The following NXN variants were observed in gnomAD, a reference collection of about 807,000 sequenced individuals.
The protein encoded by NXN is nucleoredoxin 1.
In NXN, 16 loss-of-function variants were observed where a neutral mutation model predicts 48.6. That is an observed-to-expected ratio of 0.33 (90% CI 0.22 to 0.50). The LOEUF (loss-of-function observed/expected upper bound fraction) is 0.50. Among genes scored for constraint, NXN ranks in the 20% least tolerant of loss-of-function variants. NXN has a pLI of 0.98. For synonymous variants in NXN, 281 were observed against 269.6 expected (o/e 1.04, Z -0.41); for missense variants, 492 against 605.5 (o/e 0.81, Z 1.97).
chr17:914,462 G>A (rs1211960373), intron 1 of NXN, among the ~76,000 whole-genome samples: 4 of 152,132 alleles, frequency 2.6e-5, no homozygotes, highest in Admixed American at 6.6e-5. Context: ...AAGCTACCAC[G>A]CCCGGCCAGA....
chr17:892,688 G>A (rs772198113), intron 1 of NXN, among the ~76,000 whole-genome samples: 1 of 152,174 alleles, frequency 6.6e-6, no homozygotes, highest in Admixed American at 6.5e-5. Flanking sequence ...AATGTTCATC[G>A]CTGTCCCAGG....
chr17:851,950 T>C (rs1394338599), intron 1 of NXN, among the ~76,000 whole-genome samples: 1 of 152,188 alleles, frequency 6.6e-6, no homozygotes, highest in East Asian at 1.9e-4. Context: ...CGAGACTTTC[T>C]CCTGATCTAA....
chr17:885,890 G>A (rs1282104251), intron 1 of NXN, among the ~76,000 whole-genome samples: 2 of 151,088 alleles, frequency 1.3e-5, no homozygotes, highest in Non-Finnish European at 2.9e-5. Flanking sequence ...GGGTTTCACC[G>A]TGTCAGCCAG....
In NXN at chr17:800,927, G is replaced by T; in HGVS notation, c.*22C>A. On this transcript the variant is annotated 3_prime_UTR_variant, in exon 8 of 8. Coordinates refer to ENST00000336868, the MANE Select transcript of NXN (RefSeq NM_022463.5). The stretch of plus-strand genomic sequence containing the variant: ...AGGAGAAGGCTGAGTTTTAAATAAC[G>T]TCTCAGGAGGCCGGAGCCACGCTAG... 1 of 1,408,308 alleles carries T rather than the reference G, an allele frequency of 7.1e-7. No homozygotes were observed. The highest frequency in any genetic ancestry group is 9.4e-7 in the Non-Finnish European group (1 of 1,069,036). 87.2% of individuals were successfully genotyped at this position (1,408,308 alleles called of 1,614,324 possible). A position where few individuals can be genotyped will look rare whatever the true frequency, so the allele number is the denominator to read the frequency against.
intron 1 of NXN, among the ~76,000 whole-genome samples, chr17:844,722 T>G (rs2067840833): frequency 6.6e-6 from 1 of 152,002 alleles, no homozygotes; most frequent in East Asian, 1.9e-4. Context: ...GGAGCTGGGA[T>G]TACAGGCACC....
At chr17:855,398 C>A (rs1219673291) in intron 1 of NXN, among the ~76,000 whole-genome samples, 1 of 152,172 alleles carries the variant, frequency 6.6e-6, no homozygotes, top group South Asian at 2.1e-4. Context: ...GGGTTACAAG[C>A]AGAGGGAAGT....
At chr17:943,820 G>A (rs190523932) in intron 1 of NXN, among the ~76,000 whole-genome samples, 7 of 149,336 alleles carry the variant, frequency 4.7e-5, no homozygotes, top group South Asian at 4.3e-4. Context: ...GTATGACTCC[G>A]TCTCTAAAAA....
chr17:848,161 G>A (rs562291829), intron 1 of NXN, among the ~76,000 whole-genome samples: 35 of 151,180 alleles, frequency 2.3e-4, no homozygotes, highest in Non-Finnish European at 4.0e-4. Flanking sequence ...TTTTTGAGAC[G>A]GAGTCCTGCC....
At chr17:925,508 C>A (rs2068790144) in intron 1 of NXN, among the ~76,000 whole-genome samples, 1 of 152,220 alleles carries the variant, frequency 6.6e-6, no homozygotes, top group African/African-American at 2.4e-5. Context: ...CCTGCCTCAG[C>A]CTCCCGAGTA....
Position 979,552 on chromosome 17 carries a change from T to A in NXN, c.127A>T (p.Ser43Cys), listed in dbSNP as rs757416711. ...LLGLYFGCSL[S>C]APCAQLSASL... ...GCGCTGAGCTGCGCGCAGGGGGCGC[T>A]GAGGCTGCAGCCGAAGTAGAGACCC... The change falls in exon 1 of 8, where the codon AGC (serine) becomes TGC (cysteine). Residue 43 changes from serine (S) to cysteine (C), a missense_variant. Around this residue, in one of 3 missense-constraint regions of NXN, gnomAD observed 186 missense variants for 199.1 expected, o/e 0.93. Transcript: ENST00000336868. The A allele has an allele frequency of 1.5e-6, 2 of 1,367,932 alleles. No individual in the cohort carries two copies. Among genetic ancestry groups the A allele is most frequent in the Non-Finnish European group, 1.9e-6 (2 of 1,054,694 alleles). The allele number at this position is 1,367,932 out of a possible 1,614,324, so 84.7% of individuals were successfully genotyped here. A position where few individuals can be genotyped will look rare whatever the true frequency, so the allele number is the denominator to read the frequency against.
chr17:950,135 A>G (rs977374311), intron 1 of NXN, among the ~76,000 whole-genome samples: 2 of 152,202 alleles, frequency 1.3e-5, no homozygotes, highest in Non-Finnish European at 2.9e-5. Context: ...ATACACATCC[A>G]TGGGTCACAG....
At chr17:841,448 C>CCGACCACAGAGCA (rs1567827521) in intron 1 of NXN, among the ~76,000 whole-genome samples, 1 of 129,224 alleles carries the variant, frequency 7.7e-6, no homozygotes, top group Non-Finnish European at 1.8e-5. Context: ...GCAGGTCCCC[C>CCGACCACAGAGCA]TGACCACGGC....
intron 5 of NXN, among the ~76,000 whole-genome samples, chr17:811,073 A>T (rs1187820169): frequency 6.6e-6 from 1 of 152,158 alleles, no homozygotes; most frequent in African/African-American, 2.4e-5. Context: ...AGGGAACGGG[A>T]TGAGGAAGGA....
chr17:889,749 A>AG (rs1491556618), intron 1 of NXN, among the ~76,000 whole-genome samples: 592 of 29,532 alleles, frequency 0.02, 16 homozygotes, highest in African/African-American at 0.077. Flanking sequence ...GAAAGAAAGA[A>AG]AGAAAGAAAG....
In NXN at chr17:838,126, C is replaced by CTTTTTTT. The variant is rs66721481; in HGVS notation, c.361-12055_361-12049dup. On this transcript the variant is annotated intron_variant, in intron 1 of 7. Transcript: ENST00000336868. ...CAGAACACTGAATTTTCCTTTCCTT[C>CTTTTTTT]TTTTTTTTTTTTTTTTTTTTTTTGA... Among the ~76,000 whole-genome samples the CTTTTTTT allele has an allele frequency of 3.8e-3, 374 of 99,182 alleles. 4 individuals carry two copies. The highest frequency in any genetic ancestry group is 5.4e-3 in the African/African-American group (129 of 23,766). The allele number at this position is 99,182 out of a possible 152,430, so 65.1% of individuals were successfully genotyped here.
rs371435541 is a variant in NXN at position 945,151 on chromosome 17, G to A, written c.360+34168C>T. Among the ~76,000 whole-genome samples, 45 of 151,954 alleles carry A rather than the reference G, an allele frequency of 3.0e-4. No homozygotes were observed. In the East Asian group the frequency reaches 6.5e-3, roughly 22 times the overall value. ...GGCTGGAGTGCAGCGGCACAGTCTC[G>A]GCTCACTGTAACCTCCGCCTCCCGG... On this transcript the variant is annotated intron_variant, in intron 1 of 7. Coordinates refer to ENST00000336868, the MANE Select transcript of NXN (RefSeq NM_022463.5).
At chr17:957,817 C>G (rs576756692) in intron 1 of NXN, among the ~76,000 whole-genome samples, 4 of 152,188 alleles carry the variant, frequency 2.6e-5, no homozygotes, top group African/African-American at 9.6e-5. Flanking sequence ...TCAGTCCAAG[C>G]CCAGACCCGA....
chr17:979,576 C>G lies in NXN; in HGVS notation c.103G>C (p.Gly35Arg). The G allele has an allele frequency of 7.0e-7, 1 of 1,429,728 alleles. No homozygotes were observed. Among genetic ancestry groups the G allele is most frequent in the Non-Finnish European group, 9.2e-7 (1 of 1,090,020 alleles). 88.6% of individuals were successfully genotyped at this position (1,429,728 alleles called of 1,614,324 possible). Reference sequence around the variant, plus strand: ...CTGAGGCTGCAGCCGAAGTAGAGACCCAGCAGCGAGATGCCGCGGGCGCCC... The same window carrying G: ...CTGAGGCTGCAGCCGAAGTAGAGACGCAGCAGCGAGATGCCGCGGGCGCCC... ...SLGARGISLL[G>R]LYFGCSLSAP... The change falls in exon 1 of 8, where the codon GGT becomes CGT. Residue 35 changes from glycine to arginine, a missense_variant. This residue lies in a region of NXN where 186 missense variants were observed against 199.1 expected (regional missense o/e 0.93). Transcript: ENST00000336868.
rs772790137 is a variant in NXN at position 849,891 on chromosome 17, C to T, written c.361-23813G>A. 9.9e-5 allele frequency among the ~76,000 whole-genome samples: 15 copies of T among 152,054 alleles called. No individual in the cohort carries two copies. The highest frequency in any genetic ancestry group is 3.6e-4 in the African/African-American group (15 of 41,392). On this transcript the variant is annotated intron_variant, in intron 1 of 7. Coordinates refer to ENST00000336868, the MANE Select transcript of NXN (RefSeq NM_022463.5). The surrounding 1 kb of genome is among the most constrained non-coding windows in gnomAD (Gnocchi z 4.2). ...GACACCAGAGTCAGAGAGGAGCGAA[C>T]GAGAGAAGCTGCAGAGCCCCCAAGG...
Sources: gnomAD v4.1 joint callset for allele counts (sites outside exome capture counted in the v4.1 genomes callset) on GRCh38, gnomAD v4.1.1 for gene constraint, gnomAD v4.1.1 regional missense constraint, Gnocchi (gnomAD v3.1) non-coding constraint, MANE v1.5 for transcripts, NCBI Gene and HGNC (gene_info 2026-07-23, HGNC 2026-07-21) for gene names.